The following LRRC4C variants were observed in gnomAD, a reference collection of about 807,000 sequenced individuals.
The protein encoded by LRRC4C is leucine-rich repeat-containing protein 4C.
Under a neutral mutation model 33.6 loss-of-function variants are expected in LRRC4C, and 5 were observed. The ratio of observed to expected loss-of-function variants is 0.15; its 90% CI spans 0.08 to 0.31. The LOEUF is 0.31. Ranked by LOEUF, LRRC4C falls within the 10% of genes least tolerant of loss-of-function variation. LRRC4C has a pLI of 1.00. For synonymous variants in LRRC4C, 329 were observed against 302.0 expected, an observed-to-expected ratio of 1.09 and a Z score of -0.93; for missense variants, 560 against 796.7, an observed-to-expected ratio of 0.70 and a Z score of 3.58.
At chr11:41,162,502 G>T (rs1327487661) in intron 1 of LRRC4C, among the ~76,000 whole-genome samples, 2 of 152,040 alleles carry the variant, frequency 1.3e-5, no homozygotes, top group Non-Finnish European at 2.9e-5. Context: ...AAATCATAGG[G>T]TGTATTTACA....
intron 3 of LRRC4C, among the ~76,000 whole-genome samples, chr11:40,339,270 T>C (rs1946761933): frequency 6.6e-6 from 1 of 152,132 alleles, no homozygotes; most frequent in South Asian, 2.1e-4. Flanking sequence ...ATAGTAGTTG[T>C]CCCAAAATAA....
chr11:41,346,792 T>A (rs930936218), intron 1 of LRRC4C, among the ~76,000 whole-genome samples: 1 of 152,198 alleles, frequency 6.6e-6, no homozygotes, highest in African/African-American at 2.4e-5. Context: ...GGTACTCTTA[T>A]TCATCTTATA....
chr11:40,665,336 A>ATATATATATATG, intron 2 of LRRC4C, among the ~76,000 whole-genome samples: 1 of 14,686 alleles, frequency 6.8e-5, no homozygotes, highest in Non-Finnish European at 1.7e-4. Context: ...ATATATATAT[A>ATATATATATATG]TATATATATA....
At chr11:41,442,905 G>C (rs1955685177) in intron 1 of LRRC4C, among the ~76,000 whole-genome samples, 2 of 152,074 alleles carry the variant, frequency 1.3e-5, no homozygotes, top group Admixed American at 6.5e-5. Flanking sequence ...TATGTATGCA[G>C]AATGTTCTGC....
At chr11:41,188,302 G>C (rs1029227099) in intron 1 of LRRC4C, among the ~76,000 whole-genome samples, 2 of 151,956 alleles carry the variant, frequency 1.3e-5, no homozygotes, top group South Asian at 4.2e-4. Context: ...TTATTTTTTA[G>C]TTGCTTTTCT....
At chr11:40,469,281 G>A (rs1220690299) in intron 3 of LRRC4C, among the ~76,000 whole-genome samples, 10 of 152,144 alleles carry the variant, frequency 6.6e-5, no homozygotes, top group African/African-American at 2.4e-4. Flanking sequence ...AAAAGGGGTT[G>A]GTGAACTCCC....
At chr11:41,250,728 C>A (rs1270070973) in intron 1 of LRRC4C, among the ~76,000 whole-genome samples, 3 of 152,140 alleles carry the variant, frequency 2.0e-5, no homozygotes, top group African/African-American at 7.2e-5. Context: ...TAACATAAAA[C>A]CACCTCAAAT....
At chr11:41,147,084 G>C (rs770012517) in intron 1 of LRRC4C, among the ~76,000 whole-genome samples, 37 of 152,180 alleles carry the variant, frequency 2.4e-4, no homozygotes, top group Non-Finnish European at 4.1e-4. Flanking sequence ...AGAAAGTAGT[G>C]AGTATTATTT....
chr11:40,314,446 T>A lies in LRRC4C; in HGVS notation c.-176+5182A>T, dbSNP rs561235813. Among the ~76,000 whole-genome samples, 4 of 152,198 alleles carry A rather than the reference T, an allele frequency of 2.6e-5. No individual in the cohort carries two copies. The South Asian group carries it at 6.2e-4, about 24-fold the overall frequency. On this transcript the variant is annotated intron_variant, in intron 4 of 6. Coordinates refer to ENST00000528697, the MANE Select transcript of LRRC4C (RefSeq NM_001258419.2). ...GAGAAAAGGGAACTCTTATACACTG[T>A]TGGAAACGTAAACAAGTACAACCAC... is the stretch of plus-strand genomic sequence containing the variant.
At chr11:40,709,777 G>A (rs1303586088) in intron 2 of LRRC4C, among the ~76,000 whole-genome samples, 2 of 152,212 alleles carry the variant, frequency 1.3e-5, no homozygotes, top group Non-Finnish European at 2.9e-5. Context: ...ATATCCTGAA[G>A]AGTGTTTTCC....
At chr11:40,987,339 T>C (rs1020902809) in intron 1 of LRRC4C, among the ~76,000 whole-genome samples, 8 of 152,252 alleles carry the variant, frequency 5.3e-5, no homozygotes, top group East Asian at 1.9e-4. Context: ...TCCTGTTTTG[T>C]AGATGAGAAA....
chr11:41,135,786 T>C (rs933168555), intron 1 of LRRC4C, among the ~76,000 whole-genome samples: 1 of 152,158 alleles, frequency 6.6e-6, no homozygotes, highest in Non-Finnish European at 1.5e-5. Flanking sequence ...ATAATACCAA[T>C]AGAATGCTAA....
intron 2 of LRRC4C, among the ~76,000 whole-genome samples, chr11:40,743,471 T>C (rs182048097): frequency 3.5e-4 from 54 of 152,164 alleles, no homozygotes; most frequent in African/African-American, 1.2e-3. Flanking sequence ...TCTGAAAACG[T>C]AGGGGAAAAT....
At chr11:40,804,735 C>A (rs2135321490) in intron 2 of LRRC4C, among the ~76,000 whole-genome samples, 1 of 152,326 alleles carries the variant, frequency 6.6e-6, no homozygotes, top group South Asian at 2.1e-4. Flanking sequence ...CAGCAGAGAA[C>A]ACTGGGGATA....
intron 3 of LRRC4C, among the ~76,000 whole-genome samples, chr11:40,411,497 T>A (rs936808842): frequency 6.6e-6 from 1 of 152,126 alleles, no homozygotes; most frequent in Admixed American, 6.6e-5. Flanking sequence ...TGCTCCGGAA[T>A]GTATTTATTT....
chr11:41,189,409 A>G (rs751967511), intron 1 of LRRC4C, among the ~76,000 whole-genome samples: 5 of 152,172 alleles, frequency 3.3e-5, no homozygotes, highest in Non-Finnish European at 7.3e-5. Flanking sequence ...AGAGAAGGGC[A>G]ATGTGACTGG....
intron 2 of LRRC4C, among the ~76,000 whole-genome samples, chr11:40,765,623 G>A (rs979451957): frequency 6.6e-6 from 1 of 151,940 alleles, no homozygotes; most frequent in East Asian, 1.9e-4. Flanking sequence ...ATTTAACAAA[G>A]TGATTAGAAA....
intron 2 of LRRC4C, among the ~76,000 whole-genome samples, chr11:40,775,520 T>C (rs1176234615): frequency 1.3e-5 from 2 of 152,256 alleles, no homozygotes; most frequent in Non-Finnish European, 2.9e-5. Context: ...TTAGTTATTT[T>C]ATTTTATTTT....
intron 1 of LRRC4C, among the ~76,000 whole-genome samples, chr11:41,101,587 G>A (rs1420599366): frequency 6.6e-6 from 1 of 152,184 alleles, no homozygotes; most frequent in Non-Finnish European, 1.5e-5. Flanking sequence ...TAAGCAATGT[G>A]GTGATTCCTC....
Sources: gnomAD v4.1 joint callset for allele counts (sites outside exome capture counted in the v4.1 genomes callset) on GRCh38, gnomAD v4.1.1 for gene constraint, MANE v1.5 for transcripts, NCBI Gene and HGNC (gene_info 2026-07-23, HGNC 2026-07-21) for gene names.